AUTS2: variants seen among roughly 807,000 people sequenced by gnomAD.
The protein encoded by AUTS2 is activator of transcription and developmental regulator AUTS2.
A neutral mutation model predicts 112.4 loss-of-function variants in AUTS2; 17 were observed. That is an observed-to-expected ratio of 0.15 (90% CI 0.10 to 0.23). The LOEUF (loss-of-function observed/expected upper bound fraction) is 0.23, where lower values mean the gene tolerates loss of function less well. Ranked by LOEUF, AUTS2 falls within the 10% of genes least tolerant of loss-of-function variation. The pLI, the probability that AUTS2 is intolerant of heterozygous loss-of-function variation, is 1.00. For missense variants in AUTS2, 1,510 were observed against 1,701.6 expected (o/e 0.89, Z 1.98); for synonymous variants, 751 against 702.7 (o/e 1.07, Z -1.09).
chr7:70,462,969 A>G (rs1050612357), intron 5 of AUTS2, among the ~76,000 whole-genome samples: 2 of 152,134 alleles, frequency 1.3e-5, no homozygotes, highest in African/African-American at 4.8e-5. Flanking sequence ...AAAAAAAAAA[A>G]AATCTGCTGG....
chr7:70,369,607 A>G (rs920120631), intron 4 of AUTS2, among the ~76,000 whole-genome samples: 3 of 152,100 alleles, frequency 2.0e-5, no homozygotes, highest in African/African-American at 7.2e-5. Context: ...AGAAGAGGAG[A>G]TGATTAGATC....
intron 1 of AUTS2, among the ~76,000 whole-genome samples, chr7:69,895,639 C>T (rs1245906824): frequency 6.6e-6 from 1 of 150,426 alleles, no homozygotes; most frequent in African/African-American, 2.4e-5. Context: ...AAGCTAATGT[C>T]ACGGCATGGG....
chr7:69,962,036 G>T (rs1797451447), intron 2 of AUTS2, among the ~76,000 whole-genome samples: 1 of 152,164 alleles, frequency 6.6e-6, no homozygotes, highest in African/African-American at 2.4e-5. Context: ...TGCTTGCCCT[G>T]ATGATACGTA....
At chr7:70,166,209 A>G (rs1489004590) in intron 4 of AUTS2, among the ~76,000 whole-genome samples, 3 of 152,196 alleles carry the variant, frequency 2.0e-5, no homozygotes, top group Admixed American at 2.0e-4. Context: ...GAATGGACCA[A>G]TATGAGTCAA....
At chr7:70,002,562 T>C (rs1799246111) in intron 2 of AUTS2, among the ~76,000 whole-genome samples, 1 of 151,998 alleles carries the variant, frequency 6.6e-6, no homozygotes, top group Non-Finnish European at 1.5e-5. Flanking sequence ...GTGGCGAAAA[T>C]AAGATTTGCT....
At chr7:70,142,309 T>C (rs1208377360) in intron 4 of AUTS2, among the ~76,000 whole-genome samples, 1 of 151,856 alleles carries the variant, frequency 6.6e-6, no homozygotes, top group Non-Finnish European at 1.5e-5. Context: ...GGCAAGAGAG[T>C]GGCTAAAGGA....
chr7:70,232,675 C>T (rs946500050), intron 4 of AUTS2, among the ~76,000 whole-genome samples: 1 of 152,188 alleles, frequency 6.6e-6, no homozygotes, highest in African/African-American at 2.4e-5. Flanking sequence ...CCACTGCGCC[C>T]AGCCTGGGGT....
rs147619609 is a variant in AUTS2, at chr7:69,735,484, A to G, written c.309+135522A>G. On this transcript the variant is annotated intron_variant, in intron 1 of 18. Coordinates refer to ENST00000342771, the MANE Select transcript of AUTS2 (RefSeq NM_015570.4). ...CATCCTTTGAGAGATACTACTTTTT[A>G]CCTTCTAATTATTTAACCCATGAAA... Among the ~76,000 whole-genome samples the G allele has an allele frequency of 2.9e-3, 442 of 152,246 alleles. 5 individuals carry two copies. The highest frequency in any genetic ancestry group is 0.01 in the African/African-American group (428 of 41,562).
chr7:70,246,966 T>C (rs999135306), intron 4 of AUTS2, among the ~76,000 whole-genome samples: 1 of 152,092 alleles, frequency 6.6e-6, no homozygotes, highest in African/African-American at 2.4e-5. Context: ...TTTGGTCCTA[T>C]TATAAATGGT....
intron 1 of AUTS2, among the ~76,000 whole-genome samples, chr7:69,732,375 A>G (rs1267056293): frequency 6.6e-6 from 1 of 151,920 alleles, no homozygotes; most frequent in Non-Finnish European, 1.5e-5. Context: ...CTTAATCTAC[A>G]TAAAATATGG....
At chr7:69,958,477 A>T (rs971387497) in intron 2 of AUTS2, among the ~76,000 whole-genome samples, 5 of 152,104 alleles carry the variant, frequency 3.3e-5, no homozygotes, top group African/African-American at 4.8e-5. Context: ...TACTTCCATC[A>T]GGGCCAAGTG....
chr7:70,662,274 G>A (rs751667021), intron 5 of AUTS2, among the ~76,000 whole-genome samples: 8 of 152,246 alleles, frequency 5.3e-5, no homozygotes, highest in Non-Finnish European at 1.0e-4. Flanking sequence ...CAGAAAAGTA[G>A]GTAGACTCGT....
chr7:69,681,080 AC>A (rs1260307136), intron 1 of AUTS2, among the ~76,000 whole-genome samples: 1 of 152,224 alleles, frequency 6.6e-6, no homozygotes. Flanking sequence ...GTACCATATG[AC>A]AGAATTTTCT....
chr7:70,405,151 T>C (rs1297746925), intron 4 of AUTS2, among the ~76,000 whole-genome samples: 1 of 152,236 alleles, frequency 6.6e-6, no homozygotes, highest in Non-Finnish European at 1.5e-5. Context: ...GGAAAGATAC[T>C]TGAGGTGGCA....
chr7:70,554,229 T>G (rs1801149118), intron 5 of AUTS2, among the ~76,000 whole-genome samples: 1 of 151,432 alleles, frequency 6.6e-6, no homozygotes, highest in African/African-American at 2.4e-5. Context: ...CCACCACGCC[T>G]GGCTAATTTT....
Position 70,290,359 on chromosome 7 carries a change from C to T in AUTS2, c.661-145393C>T, listed in dbSNP as rs774509166. ...TGAATCATTTGAGATTTTCATGTTT[C>T]CATTTCAGAGATCAGGGAAGATGTG... On this transcript the variant is annotated intron_variant, in intron 4 of 18. Coordinates refer to ENST00000342771, the MANE Select transcript of AUTS2 (RefSeq NM_015570.4). The T allele has an allele frequency of 6.1e-6, 9 of 1,474,590 alleles. 1 individual carries two copies. In the South Asian group the frequency reaches 1.3e-4, roughly 21 times the overall value. The allele number at this position is 1,474,590 out of a possible 1,614,324, so 91.3% of individuals were successfully genotyped here.
intron 4 of AUTS2, among the ~76,000 whole-genome samples, chr7:70,148,258 A>T (rs1393736604): frequency 1.3e-5 from 2 of 152,144 alleles, no homozygotes; most frequent in East Asian, 3.9e-4. Flanking sequence ...GGGTGTCAGA[A>T]TAAGATTCCA....
At chr7:69,785,350 T>TAA (rs1212690271) in intron 1 of AUTS2, among the ~76,000 whole-genome samples, 2 of 152,270 alleles carry the variant, frequency 1.3e-5, no homozygotes, top group Non-Finnish European at 2.9e-5. Flanking sequence ...GAGACAGTCT[T>TAA]ATGTTGTAAG....
At chr7:70,101,443 C>T (rs1055591933) in intron 2 of AUTS2, among the ~76,000 whole-genome samples, 1 of 151,710 alleles carries the variant, frequency 6.6e-6, no homozygotes, top group African/African-American at 2.4e-5. Context: ...GCCTGTAATC[C>T]CAGCATTTTG....
Sources: gnomAD v4.1 joint callset for allele counts (sites outside exome capture counted in the v4.1 genomes callset) on GRCh38, gnomAD v4.1.1 for gene constraint, MANE v1.5 for transcripts, NCBI Gene and HGNC (gene_info 2026-07-23, HGNC 2026-07-21) for gene names.